Variants in SEC23A observed in about 807,000 individuals in gnomAD.
SEC23A encodes SEC23 homolog A, COPII component.
A neutral mutation model predicts 103.7 loss-of-function variants in SEC23A; 56 were observed. The ratio of observed to expected loss-of-function variants is 0.54; its 90% CI spans 0.44 to 0.67. SEC23A has a LOEUF of 0.67. Among genes scored for constraint, SEC23A ranks in the 30% least tolerant of loss-of-function variants. The pLI, the probability that SEC23A is intolerant of heterozygous loss-of-function variation, is 0.00. For synonymous variants in SEC23A, 281 were observed against 293.0 expected, an observed-to-expected ratio of 0.96 and a Z score of 0.42; for missense variants, 784 against 936.4, an observed-to-expected ratio of 0.84 and a Z score of 2.12.
chr14:39,102,573 A>G (rs564016995), intron 1 of SEC23A, among the ~76,000 whole-genome samples: 1 of 152,354 alleles, frequency 6.6e-6, no homozygotes, highest in East Asian at 1.9e-4. Flanking sequence ...TCAAAACCCA[A>G]GGCATTATCT....
chr14:39,074,521 C>T lies in SEC23A; in HGVS notation c.997G>A (p.Ala333Thr). The T allele has an allele frequency of 6.3e-7, 1 of 1,597,720 alleles. No individual in the cohort carries two copies. Among genetic ancestry groups the T allele is most frequent in the East Asian group, 2.2e-5 (1 of 44,746 alleles). ...GTTGTAGCAGCTCGATTAGCCAATG[C>T]TTCAAAATGCTACAAAAGATTTTCT... Reference protein sequence around the residue: ...YVKKGTKHFEALANRAATTGH... With the variant: ...YVKKGTKHFETLANRAATTGH... Residue 333 changes from alanine to threonine, a missense_variant, in exon 9 of 20, where the codon GCA (alanine) becomes ACA (threonine). By Grantham distance (58) the Ala-to-Thr change is moderately conservative (BLOSUM62 0). Coordinates refer to ENST00000307712, the MANE Select transcript of SEC23A (RefSeq NM_006364.4).
intron 7 of SEC23A, among the ~76,000 whole-genome samples, chr14:39,076,714 T>C (rs1407030388): frequency 1.5e-5 from 2 of 134,476 alleles, no homozygotes; most frequent in East Asian, 4.4e-4. Flanking sequence ...TCACCTGAGG[T>C]CAGGAGTTCA....
At chr14:39,064,009 TA>T (rs1216100302) in intron 11 of SEC23A, among the ~76,000 whole-genome samples, 4 of 88,458 alleles carry the variant, frequency 4.5e-5, no homozygotes, top group African/African-American at 1.2e-4. Flanking sequence ...AAAAATAAAA[TA>T]AAAAATAAAA....
At chr14:39,052,176 C>T (rs1200855825) in intron 14 of SEC23A, among the ~76,000 whole-genome samples, 5 of 151,906 alleles carry the variant, frequency 3.3e-5, no homozygotes, top group Non-Finnish European at 5.9e-5. Flanking sequence ...GGAGGGAGAG[C>T]ATTGGGAAGA....
intron 16 of SEC23A, among the ~76,000 whole-genome samples, chr14:39,044,483 A>G (rs1430541483): frequency 6.6e-6 from 1 of 152,196 alleles, no homozygotes; most frequent in African/African-American, 2.4e-5. Context: ...TAATAGCATC[A>G]TGAGGGATCA....
chr14:39,074,544 T>C lies in SEC23A; in HGVS notation c.988-14A>G, dbSNP rs1399805859. On this transcript the variant is annotated splice_polypyrimidine_tract_variant and intron_variant, in intron 8 of 19. Coordinates refer to ENST00000307712, the MANE Select transcript of SEC23A (RefSeq NM_006364.4). ...TGCTTCAAAATGCTACAAAAGATTT[T>C]CTTAATTAAAATAATATACAAAATT... 6.6e-7 allele frequency: 1 copy of C among 1,521,580 alleles called. No individual in the cohort carries two copies. The highest frequency in any genetic ancestry group is 9.1e-7 in the Non-Finnish European group (1 of 1,098,766). The allele number at this position is 1,521,580 out of a possible 1,614,324, so 94.3% of individuals were successfully genotyped here.
intron 18 of SEC23A, chr14:39,039,414 A>G: frequency 3.6e-6 from 1 of 276,162 alleles, no homozygotes; most frequent in East Asian, 8.2e-5. Context: ...ACTTGGTCAG[A>G]AGTTCAAAAT....
chr14:39,094,933 C>A, intron 2 of SEC23A: 1 of 683,714 alleles, frequency 1.5e-6, no homozygotes, highest in South Asian at 1.6e-5. Flanking sequence ...ATTTCTCATT[C>A]CAAGAATAAG....
chr14:39,063,601 AAAAAT>A (rs1273861431), intron 11 of SEC23A, among the ~76,000 whole-genome samples, 188 bp from the exon 12 acceptor site: 15 of 152,298 alleles, frequency 9.8e-5, no homozygotes, highest in African/African-American at 3.1e-4. Flanking sequence ...TTACATAATA[AAAAAT>A]AAAATAATTT....
intron 1 of SEC23A, among the ~76,000 whole-genome samples, chr14:39,096,357 C>T (rs1887890994): frequency 6.6e-6 from 1 of 151,920 alleles, no homozygotes; most frequent in Non-Finnish European, 1.5e-5. Context: ...ACGAAGAAAC[C>T]CCGTCTCTAC....
chr14:39,055,209 T>C lies in SEC23A; in HGVS notation c.1593A>G (p.Ile531Met). The C allele has an allele frequency of 1.2e-6, 2 of 1,614,188 alleles. No individual in the cohort carries two copies. The highest frequency in any genetic ancestry group is 8.5e-7 in the Non-Finnish European group (1 of 1,180,030). The part of the protein sequence containing the change: ...AAAILMARLA[I>M]YRAETEEGPD... ...GACCTTCTTCTGTTTCTGCTCTATATATTGCTAGCCGGGCCATAAGAATGG... is the reference window on the plus strand; with the variant it reads ...GACCTTCTTCTGTTTCTGCTCTATACATTGCTAGCCGGGCCATAAGAATGG... The change falls in exon 14 of 20, where the codon ATA (isoleucine) becomes ATG (methionine). Residue 531 changes from isoleucine (I) to methionine (M), a missense_variant. By Grantham distance (10) the Ile-to-Met change is conservative. Coordinates refer to ENST00000307712, the MANE Select transcript of SEC23A (RefSeq NM_006364.4).
intron 19 of SEC23A, among the ~76,000 whole-genome samples, chr14:39,036,758 TAACA>T (rs1430641056): frequency 6.6e-6 from 1 of 152,208 alleles, no homozygotes; most frequent in East Asian, 1.9e-4. Flanking sequence ...CTTACCGTAA[TAACA>T]ATCATCTGCC....
intron 18 of SEC23A, chr14:39,040,046 T>C (rs1885586021): frequency 6.6e-6 from 1 of 152,252 alleles, no homozygotes; most frequent in African/African-American, 2.4e-5. Context: ...ATACAAAGCA[T>C]AGTCCCTGCC....
At chr14:39,046,165 CTG>C (rs1201046796) in intron 15 of SEC23A, among the ~76,000 whole-genome samples, 2 of 152,002 alleles carry the variant, frequency 1.3e-5, no homozygotes, top group Non-Finnish European at 2.9e-5. Flanking sequence ...CCATGTGAAA[CTG>C]TGAGTCAATT....
rs1432738515 is a variant in SEC23A, at chr14:39,094,389, CACACACACATATATATATAT to C, written c.222-1165_222-1146del. ...ATATATATATACACACACACACACACACACACACATATATATATATATATATATATATATATATATATATA... is the reference window on the plus strand; with the variant it reads ...ATATATATATACACACACACACACACATATATATATATATATATATATATA... On this transcript the variant is annotated intron_variant, in intron 2 of 19. Transcript: ENST00000307712. Among the ~76,000 whole-genome samples the C allele has an allele frequency of 3.4e-4, 17 of 50,208 alleles. 3 individuals carry two copies. The highest frequency in any genetic ancestry group is 1.0e-3 in the African/African-American group (13 of 13,034). The allele number at this position is 50,208 out of a possible 152,430, so 32.9% of individuals were successfully genotyped here. A position where few individuals can be genotyped will look rare whatever the true frequency, so the allele number is the denominator to read the frequency against.
intron 14 of SEC23A, among the ~76,000 whole-genome samples, chr14:39,053,352 T>C (rs1594446485): frequency 1.3e-5 from 2 of 152,318 alleles, no homozygotes; most frequent in East Asian, 3.9e-4. Context: ...AAATTTCTGC[T>C]ACAAAGAGAA....
At chr14:39,035,217 T>C (rs1000864156) in intron 19 of SEC23A, among the ~76,000 whole-genome samples, 5 of 152,158 alleles carry the variant, frequency 3.3e-5, no homozygotes, top group African/African-American at 7.2e-5. Flanking sequence ...ACTAAAAGCA[T>C]AGTGACTAAA....
rs752761652 is a variant in SEC23A at position 39,086,919 on chromosome 14, T to C, written c.683+10A>G. 3.2e-6 allele frequency: 5 copies of C among 1,539,084 alleles called. No individual in the cohort carries two copies. The highest frequency in any genetic ancestry group is 1.4e-5 in the African/African-American group (1 of 73,312). On this transcript the variant is annotated intron_variant, in intron 6 of 19. Transcript: ENST00000307712. ...AGAAACGGTCAAATTCTCTTCATCATATTTATTACCTGTTGGAAGGAGGTG... is the reference window on the plus strand; with the variant it reads ...AGAAACGGTCAAATTCTCTTCATCACATTTATTACCTGTTGGAAGGAGGTG...
chr14:39,091,311 A>G, intron 5 of SEC23A, 166 bp downstream of exon 5: 1 of 620,500 alleles, frequency 1.6e-6, no homozygotes, highest in Non-Finnish European at 2.8e-6. Flanking sequence ...AATTTAAGGC[A>G]CATGAAAAGA....
Sources: allele counts gnomAD v4.1 joint callset (sites outside exome capture counted in the v4.1 genomes callset), GRCh38; gene constraint gnomAD v4.1.1; transcripts MANE v1.5; gene names NCBI Gene and HGNC (gene_info 2026-07-23, HGNC 2026-07-21).